The following CTNNA3 variants were observed in gnomAD, a reference collection of about 807,000 sequenced individuals.
CTNNA3 encodes the protein catenin alpha-3.
Under a neutral mutation model 95.7 loss-of-function variants are expected in CTNNA3, and 76 were observed. The observed-to-expected ratio is 0.79, with a 90% CI of 0.66 to 0.96. The LOEUF (loss-of-function observed/expected upper bound fraction) is 0.96. CTNNA3 is among the 40% of genes least tolerant of loss of function. CTNNA3 has a pLI of 0.00. For synonymous variants in CTNNA3, 431 were observed against 374.4 expected, an observed-to-expected ratio of 1.15 and a Z score of -1.74; for missense variants, 1,191 against 1,089.8, an observed-to-expected ratio of 1.09 and a Z score of -1.31.
intron 5 of CTNNA3, among the ~76,000 whole-genome samples, chr10:67,325,059 G>A (rs947433540): frequency 3.9e-5 from 6 of 151,978 alleles, no homozygotes; most frequent in Non-Finnish European, 8.8e-5. Context: ...ATTGTTATTT[G>A]TATTTCTGTG....
At chr10:66,880,067 G>T (rs187437403) in intron 7 of CTNNA3, among the ~76,000 whole-genome samples, 1 of 152,214 alleles carries the variant, frequency 6.6e-6, no homozygotes, top group Admixed American at 6.6e-5. Context: ...AGATGTCAGA[G>T]AACAAAACCA....
At chr10:66,616,406 G>C (rs779537143) in intron 10 of CTNNA3, among the ~76,000 whole-genome samples, 1 of 151,970 alleles carries the variant, frequency 6.6e-6, no homozygotes, top group South Asian at 2.1e-4. Flanking sequence ...TTGCCCCTCG[G>C]GGCCCTTCAG....
At chr10:66,242,323 C>G (rs1405968256) in intron 13 of CTNNA3, among the ~76,000 whole-genome samples, 1 of 152,044 alleles carries the variant, frequency 6.6e-6, no homozygotes. Flanking sequence ...AAAAATAAAA[C>G]TAAACTGGAT....
At chr10:66,334,964 C>T (rs1045534305) in intron 12 of CTNNA3, among the ~76,000 whole-genome samples, 3 of 152,034 alleles carry the variant, frequency 2.0e-5, no homozygotes, top group African/African-American at 7.2e-5. Context: ...TCTCTTCTCG[C>T]TTCATTTTAT....
chr10:67,419,144 T>C (rs1011871605), intron 5 of CTNNA3, among the ~76,000 whole-genome samples: 1 of 152,168 alleles, frequency 6.6e-6, no homozygotes, highest in Non-Finnish European at 1.5e-5. Flanking sequence ...ACCTCTACCA[T>C]GGTGACTGAA....
chr10:66,446,229 G>GCA (rs1564971797), intron 11 of CTNNA3, among the ~76,000 whole-genome samples: 33 of 151,724 alleles, frequency 2.2e-4, no homozygotes, highest in African/African-American at 7.3e-4. Context: ...ATTCACAGCG[G>GCA]ATTTCTACCA....
intron 1 of CTNNA3, chr10:67,751,147 C>T (rs10997795): frequency 0.12 from 156,046 of 1,306,556 alleles, 14,928 homozygotes; most frequent in East Asian, 0.44. Context: ...ATGGCAACCA[C>T]ACTCAGCTTC....
rs534575992 is a variant in CTNNA3, at chr10:67,359,832, A to T, written c.580-139962T>A. On this transcript the variant is annotated intron_variant, in intron 5 of 17. Transcript: ENST00000433211. ...GTCTCACTAGAGAAGTCAACATGCA[A>T]TCCCAAGAAACTCAGAGAACCCTCA... Among the ~76,000 whole-genome samples, 140 of 152,226 alleles carry T rather than the reference A, an allele frequency of 9.2e-4. 1 individual carries two copies. The highest frequency in any genetic ancestry group is 3.1e-3 in the African/African-American group (129 of 41,544).
At chr10:67,623,096 A>G (rs1413524294) in intron 2 of CTNNA3, among the ~76,000 whole-genome samples, 1 of 152,210 alleles carries the variant, frequency 6.6e-6, no homozygotes, top group Non-Finnish European at 1.5e-5. Flanking sequence ...TACAAATTCT[A>G]TTGATAGAAT....
intron 13 of CTNNA3, among the ~76,000 whole-genome samples, chr10:66,250,582 AT>A (rs2090510299): frequency 6.6e-6 from 1 of 152,180 alleles, no homozygotes; most frequent in African/African-American, 2.4e-5. Flanking sequence ...AAAAATAATA[AT>A]TTTTTTGAAC....
chr10:66,172,352 A>G (rs1249524239), intron 13 of CTNNA3, among the ~76,000 whole-genome samples: 1 of 152,142 alleles, frequency 6.6e-6, no homozygotes, highest in Non-Finnish European at 1.5e-5. Context: ...ACAAAACTTA[A>G]TTTAGTATTT....
At chr10:67,476,764 A>C (rs865941125) in intron 5 of CTNNA3, among the ~76,000 whole-genome samples, 1 of 150,058 alleles carries the variant, frequency 6.7e-6, no homozygotes, top group Admixed American at 6.6e-5. Context: ...GTGGGGCCCT[A>C]TGTACTCCAT....
At chr10:65,920,876 A>G (rs1434701697) in intron 17 of CTNNA3, among the ~76,000 whole-genome samples, 1 of 152,218 alleles carries the variant, frequency 6.6e-6, no homozygotes, top group African/African-American at 2.4e-5. Flanking sequence ...TAGTCTATTA[A>G]TGTCACAATA....
rs181611848 is a variant in CTNNA3, at chr10:66,685,689, T to A, written c.1282-63905A>T. ...ACCAGGCCAAGAACCATATTTTTTT[T>A]AAAAAGTTTGCCACTGTAAACAAGA... On this transcript the variant is annotated intron_variant, in intron 9 of 17. Coordinates refer to ENST00000433211, the MANE Select transcript of CTNNA3 (RefSeq NM_013266.4). Among the ~76,000 whole-genome samples, 516 of 151,972 alleles carry A rather than the reference T, an allele frequency of 3.4e-3. 2 individuals are homozygous for A. Among genetic ancestry groups the A allele is most frequent in the African/African-American group, 9.9e-3 (412 of 41,428 alleles).
chr10:66,783,726 ATAAAT>A (rs1840632308), intron 7 of CTNNA3, among the ~76,000 whole-genome samples: 1 of 152,220 alleles, frequency 6.6e-6, no homozygotes, highest in South Asian at 2.1e-4. Flanking sequence ...CATAGACCAA[ATAAAT>A]TATTTTCCCG....
chr10:66,033,280 A>G (rs1193194148), intron 15 of CTNNA3, among the ~76,000 whole-genome samples: 1 of 150,406 alleles, frequency 6.6e-6, no homozygotes, highest in African/African-American at 2.4e-5. Context: ...ACAGGCGCCC[A>G]CCACCACGCC....
intron 7 of CTNNA3, among the ~76,000 whole-genome samples, chr10:66,931,550 C>CCT (rs1335780811): frequency 6.6e-6 from 1 of 152,138 alleles, no homozygotes; most frequent in African/African-American, 2.4e-5. Flanking sequence ...GCAGCAGTGA[C>CCT]CTCTAGTGTC....
chr10:67,147,755 A>C (rs2132058158), intron 7 of CTNNA3, among the ~76,000 whole-genome samples: 1 of 152,242 alleles, frequency 6.6e-6, no homozygotes, highest in Non-Finnish European at 1.5e-5. Context: ...GTCCCAGGAA[A>C]TTTTGGTTCA....
intron 7 of CTNNA3, among the ~76,000 whole-genome samples, chr10:67,029,790 C>T (rs967267337): frequency 6.6e-6 from 1 of 152,204 alleles, no homozygotes; most frequent in Non-Finnish European, 1.5e-5. Context: ...AGGGTAGCCA[C>T]TAACCTCATG....
Sources: allele counts gnomAD v4.1 joint callset (sites outside exome capture counted in the v4.1 genomes callset), GRCh38; gene constraint gnomAD v4.1.1; transcripts MANE v1.5; gene names NCBI Gene and HGNC (gene_info 2026-07-23, HGNC 2026-07-21).